GLRA3: variants seen among roughly 807,000 people sequenced by gnomAD.
GLRA3 encodes the protein glycine receptor alpha 3, also known as glycine receptor subunit alpha-3.
A neutral mutation model predicts 60.4 loss-of-function variants in GLRA3; 44 were observed. That is an observed-to-expected ratio of 0.73 (90% CI 0.57 to 0.94). GLRA3 has a LOEUF of 0.94. GLRA3 is among the 40% of genes least tolerant of loss of function. The pLI is 0.00. For missense variants in GLRA3, 508 were observed against 564.6 expected, an observed-to-expected ratio of 0.90 and a Z score of 1.02; for synonymous variants, 223 against 192.9, an observed-to-expected ratio of 1.16 and a Z score of -1.29.
chr4:174,681,269 T>C (rs1359348515), intron 6 of GLRA3, among the ~76,000 whole-genome samples: 1 of 152,202 alleles, frequency 6.6e-6, no homozygotes, highest in Non-Finnish European at 1.5e-5. Flanking sequence ...AGACCCTCTA[T>C]CATAAAAATT....
chr4:174,681,337 T>C (rs560897878), intron 6 of GLRA3, among the ~76,000 whole-genome samples: 1 of 152,318 alleles, frequency 6.6e-6, no homozygotes, highest in East Asian at 1.9e-4. Context: ...GATATCTCCC[T>C]AAGATTCATG....
intron 1 of GLRA3, among the ~76,000 whole-genome samples, chr4:174,812,707 A>G (rs924286623): frequency 2.8e-4 from 42 of 152,182 alleles, no homozygotes; most frequent in African/African-American, 7.7e-4. Context: ...AGTAAGAGAG[A>G]GCAAAGTTTA....
intron 9 of GLRA3, among the ~76,000 whole-genome samples, chr4:174,650,453 AAG>A (rs1732985974): frequency 2.0e-5 from 3 of 152,170 alleles, no homozygotes; most frequent in Non-Finnish European, 4.4e-5. Context: ...GTGGCACTCT[AAG>A]GTGGCTGCTA....
At position 174,643,633 on chromosome 4, in the gene GLRA3, T is replaced by C. The variant is rs138592232; in HGVS notation, c.*153A>G. On this transcript the variant is annotated 3_prime_UTR_variant, in exon 10 of 10. Coordinates refer to ENST00000274093, the MANE Select transcript of GLRA3 (RefSeq NM_006529.4). Reference sequence around the variant, plus strand: ...AAGAATCTCATCTTTCTCATGACTTTGCATAGCTAACCAAAATACAAAGCT... The same window carrying C: ...AAGAATCTCATCTTTCTCATGACTTCGCATAGCTAACCAAAATACAAAGCT... The C allele has an allele frequency of 1.0e-4, 143 of 1,402,582 alleles. No homozygotes were observed. The African/African-American group carries it at 1.8e-3, about 17-fold the overall frequency. 86.9% of individuals were successfully genotyped at this position (1,402,582 alleles called of 1,614,324 possible).
At chr4:174,807,987 C>G (rs1164993700) in intron 1 of GLRA3, among the ~76,000 whole-genome samples, 1 of 151,968 alleles carries the variant, frequency 6.6e-6, no homozygotes, top group Non-Finnish European at 1.5e-5. Context: ...CAAATGAAAT[C>G]CATGCAGAAG....
rs1225759427 is a variant in GLRA3 at position 174,671,322 on chromosome 4, T to C, written c.927+5756A>G. Among the ~76,000 whole-genome samples the C allele has an allele frequency of 3.3e-5, 5 of 152,332 alleles. No homozygotes were observed. The East Asian group carries it at 9.6e-4, about 29-fold the overall frequency. ...TATTAATAGGAAAACCTGATTACTA[T>C]GTAGCTCTCCTGACCCCATTACATT... On this transcript the variant is annotated intron_variant, in intron 7 of 9. Coordinates refer to ENST00000274093, the MANE Select transcript of GLRA3 (RefSeq NM_006529.4).
At chr4:174,731,882 A>G (rs1450086905) in intron 3 of GLRA3, among the ~76,000 whole-genome samples, 1 of 152,222 alleles carries the variant, frequency 6.6e-6, no homozygotes, top group African/African-American at 2.4e-5. Flanking sequence ...CAAATACCCA[A>G]GAAGTATCTG....
At chr4:174,682,963 TG>T in intron 5 of GLRA3, 24 bp from the exon 6 acceptor site, 1 of 1,592,386 alleles carries the variant, frequency 6.3e-7, no homozygotes, top group African/African-American at 1.3e-5. Context: ...AATAAAAATA[TG>T]AATAGTCTAA....
At chr4:174,676,145 A>C (rs577754586) in intron 7 of GLRA3, among the ~76,000 whole-genome samples, 76 of 152,286 alleles carry the variant, frequency 5.0e-4, no homozygotes, top group Non-Finnish European at 9.6e-4. Flanking sequence ...CAGCTAAATA[A>C]ATGAAAAGAG....
intron 3 of GLRA3, among the ~76,000 whole-genome samples, chr4:174,746,622 T>G (rs1025127551): frequency 3.9e-5 from 6 of 152,174 alleles, no homozygotes; most frequent in Non-Finnish European, 8.8e-5. Context: ...AACAATATCA[T>G]GTATATTTCA....
intron 5 of GLRA3, among the ~76,000 whole-genome samples, chr4:174,694,326 A>G (rs142458936): frequency 7.2e-4 from 109 of 152,300 alleles, no homozygotes; most frequent in Non-Finnish European, 1.3e-3. Context: ...AAAATTGACC[A>G]TGTAAGTGGA....
intron 7 of GLRA3, among the ~76,000 whole-genome samples, chr4:174,667,506 T>C (rs1733725581): frequency 6.6e-6 from 1 of 152,128 alleles, no homozygotes. Context: ...AAATGTCCCC[T>C]GATTTTCTGC....
At chr4:174,755,328 C>T (rs1737651700) in intron 3 of GLRA3, among the ~76,000 whole-genome samples, 2 of 151,924 alleles carry the variant, frequency 1.3e-5, no homozygotes. Context: ...AACTGCTGCC[C>T]TATGGACACT....
intron 1 of GLRA3, among the ~76,000 whole-genome samples, chr4:174,801,135 A>G (rs572753892): frequency 4.6e-5 from 7 of 152,182 alleles, no homozygotes; most frequent in Non-Finnish European, 8.8e-5. Context: ...TGAGTTTATC[A>G]AGATGTAACC....
chr4:174,790,846 AGAAAG>A (rs1739316115), intron 1 of GLRA3, among the ~76,000 whole-genome samples: 2 of 145,066 alleles, frequency 1.4e-5, no homozygotes, highest in South Asian at 2.2e-4. Context: ...AAAAAAAAAA[AGAAAG>A]AAATTAGCCG....
At chr4:174,691,611 C>T (rs1734811365) in intron 5 of GLRA3, among the ~76,000 whole-genome samples, 1 of 152,214 alleles carries the variant, frequency 6.6e-6, no homozygotes, top group Non-Finnish European at 1.5e-5. Flanking sequence ...CTGGGCTGGT[C>T]TCCAGCTCGT....
At chr4:174,785,928 C>T (rs1028675540) in intron 2 of GLRA3, among the ~76,000 whole-genome samples, 1 of 147,800 alleles carries the variant, frequency 6.8e-6, no homozygotes, top group East Asian at 2.0e-4. Context: ...TGCCACCATG[C>T]CTGGCTAGTT....
intron 1 of GLRA3, among the ~76,000 whole-genome samples, chr4:174,794,037 T>G (rs1055928507): frequency 9.2e-5 from 14 of 152,180 alleles, no homozygotes; most frequent in Non-Finnish European, 1.9e-4. Flanking sequence ...CTTTCATTCA[T>G]GCAAATCATA....
rs111256634 is a variant in GLRA3 at position 174,796,341 on chromosome 4, T to C, written c.72-7398A>G. ...TGTTGTGTATAAGCCATCCAGTTTA[T>C]AGTATTTTGTTTTTGCAGCCTGAAA... On this transcript the variant is annotated intron_variant, in intron 1 of 9. Coordinates refer to ENST00000274093, the MANE Select transcript of GLRA3 (RefSeq NM_006529.4). Among the ~76,000 whole-genome samples, 332 of 152,298 alleles carry C rather than the reference T, an allele frequency of 2.2e-3. 2 individuals are homozygous for C. The highest frequency in any genetic ancestry group is 3.1e-3 in the Non-Finnish European group (210 of 68,028).
Sources: allele counts gnomAD v4.1 joint callset (sites outside exome capture counted in the v4.1 genomes callset), GRCh38; gene constraint gnomAD v4.1.1; transcripts MANE v1.5; gene names NCBI Gene and HGNC (gene_info 2026-07-23, HGNC 2026-07-21).